The following ADTRP variants were observed in gnomAD, a reference collection of about 807,000 sequenced individuals.
The protein encoded by ADTRP is androgen-dependent TFPI-regulating protein.
ADTRP carries 20 observed loss-of-function variants against 27.0 expected under a neutral mutation model. That is an observed-to-expected ratio of 0.74 (90% confidence interval 0.52 to 1.08). ADTRP has a LOEUF of 1.08. ADTRP is among the 50% of genes least tolerant of loss of function. The probability of loss-of-function intolerance (pLI) is 0.00; values close to 1 mark genes in which losing one functional copy is unlikely to be tolerated. For missense variants in ADTRP, 251 were observed against 275.0 expected, an observed-to-expected ratio of 0.91 and a Z score of 0.62; for synonymous variants, 101 against 105.2, an observed-to-expected ratio of 0.96 and a Z score of 0.25.
chr6:11,778,302 A>C (rs1352483105), intron 1 of ADTRP, among the ~76,000 whole-genome samples: 1 of 152,180 alleles, frequency 6.6e-6, no homozygotes, highest in Non-Finnish European at 1.5e-5. Context: ...AGTTAATCCC[A>C]TGGTGAAACC....
intron 4 of ADTRP, among the ~76,000 whole-genome samples, chr6:11,724,239 T>A (rs909753955): frequency 2.6e-5 from 4 of 152,084 alleles, no homozygotes; most frequent in Non-Finnish European, 5.9e-5. Context: ...GGGTTTGCTT[T>A]TTTGGATCTA....
chr6:11,744,737 C>T lies in ADTRP; in HGVS notation c.391-9054G>A, dbSNP rs190790476. Among the ~76,000 whole-genome samples, 226 of 152,290 alleles carry T rather than the reference C, an allele frequency of 1.5e-3. 1 individual carries two copies. Among genetic ancestry groups the T allele is most frequent in the Middle Eastern group, 0.01 (3 of 294 alleles). On this transcript the variant is annotated intron_variant, in intron 3 of 5. Transcript: ENST00000414691. ...TGTTTTAAAGACAGAAACAGATGGG[C>T]AGCTCTCTGGAAAGCTGCTCCAAGT...
At chr6:11,729,121 A>C (rs749448666) in intron 4 of ADTRP, among the ~76,000 whole-genome samples, 3 of 152,206 alleles carry the variant, frequency 2.0e-5, no homozygotes. Context: ...GTAGAGAAAT[A>C]CCGACGTCTG....
chr6:11,744,605 C>T (rs572951173), intron 3 of ADTRP, among the ~76,000 whole-genome samples: 34 of 152,212 alleles, frequency 2.2e-4, no homozygotes, highest in Middle Eastern at 3.4e-3. Context: ...GTGGAAGGGC[C>T]CCCAGGTTTT....
chr6:11,734,706 ACTCT>A (rs200988424), intron 4 of ADTRP, among the ~76,000 whole-genome samples: 2 of 149,842 alleles, frequency 1.3e-5, no homozygotes, highest in African/African-American at 4.9e-5. Flanking sequence ...TTTGGAATGC[ACTCT>A]CTCTCTCTCT....
At chr6:11,724,178 T>A (rs982093991) in intron 4 of ADTRP, among the ~76,000 whole-genome samples, 1 of 152,136 alleles carries the variant, frequency 6.6e-6, no homozygotes, top group East Asian at 1.9e-4. Context: ...TGCTGAGACA[T>A]TGAACCTGCT....
intron 4 of ADTRP, among the ~76,000 whole-genome samples, chr6:11,725,840 C>T (rs1358229965): frequency 7.5e-6 from 1 of 132,748 alleles, no homozygotes; most frequent in Admixed American, 9.5e-5. Context: ...GCAGAGCTTG[C>T]AGTGATTGGA....
Position 11,724,473 on chromosome 6 carries a change from C to T in ADTRP, c.507-973G>A, listed in dbSNP as rs138310086. Among the ~76,000 whole-genome samples, 275 of 152,072 alleles carry T rather than the reference C, an allele frequency of 1.8e-3. 1 individual carries two copies. The highest frequency in any genetic ancestry group is 3.1e-3 in the Non-Finnish European group (211 of 67,992). ...TAGGCTGTAAGTCATTTCTGGAAGC[C>T]GAGAGAAGGAAAAGAAATGCTAGGA... On this transcript the variant is annotated intron_variant, in intron 4 of 5. Transcript: ENST00000414691.
At chr6:11,719,444 C>T (rs572983119) in intron 5 of ADTRP, among the ~76,000 whole-genome samples, 23 of 152,300 alleles carry the variant, frequency 1.5e-4, no homozygotes, top group African/African-American at 4.6e-4. Flanking sequence ...ATACCCATGT[C>T]GAGTCACCAT....
At chr6:11,748,650 C>A (rs962889700) in intron 3 of ADTRP, among the ~76,000 whole-genome samples, 1 of 152,184 alleles carries the variant, frequency 6.6e-6, no homozygotes, top group South Asian at 2.1e-4. Context: ...AGTGGAGGCA[C>A]GTACTTCATG....
intron 1 of ADTRP, among the ~76,000 whole-genome samples, chr6:11,769,083 T>C (rs1241570749): frequency 1.3e-5 from 2 of 152,138 alleles, no homozygotes; most frequent in Non-Finnish European, 2.9e-5. Context: ...AGGGTATTTT[T>C]CAAGAAAGTA....
intron 5 of ADTRP, among the ~76,000 whole-genome samples, chr6:11,715,648 C>CATT (rs1209016026): frequency 8.3e-6 from 1 of 121,142 alleles, no homozygotes; most frequent in African/African-American, 3.5e-5. Context: ...CTGTTTTTCC[C>CATT]TTTTTTTTTT....
intron 5 of ADTRP, 61 bp downstream of exon 5, chr6:11,723,288 G>A (rs1762076847): frequency 1.3e-6 from 2 of 1,578,704 alleles, no homozygotes; most frequent in South Asian, 2.3e-5. Flanking sequence ...CTGTTTCCAG[G>A]TGAAGGGGAG....
chr6:11,768,251 T>C lies in ADTRP; in HGVS notation c.286A>G (p.Thr96Ala), dbSNP rs1260559041. ...LFTTLAFPVS[T>A]FVFLAFWILF... Reference sequence around the variant, plus strand: ...ATGTACACATCTTTGAAACTTACCGTGGATACAGGAAAAGCCAGAGTGGTG... The same window carrying C: ...ATGTACACATCTTTGAAACTTACCGCGGATACAGGAAAAGCCAGAGTGGTG... The change falls in exon 2 of 6, where the codon ACG becomes GCG. Residue 96 changes from threonine to alanine, a missense_variant and splice_region_variant. Physicochemically the swap from Thr to Ala is moderately conservative, Grantham distance 58. Coordinates refer to ENST00000414691, the MANE Select transcript of ADTRP (RefSeq NM_032744.4). 1.2e-6 allele frequency: 2 copies of C among 1,614,010 alleles called. No individual in the cohort carries two copies. Among genetic ancestry groups the C allele is most frequent in the African/African-American group, 2.7e-5 (2 of 74,916 alleles).
At chr6:11,717,309 C>T (rs1241693727) in intron 5 of ADTRP, 1 of 1,303,884 alleles carries the variant, frequency 7.7e-7, no homozygotes, top group African/African-American at 1.5e-5. Context: ...GATATTTCAC[C>T]TGATATTCTT....
chr6:11,750,261 G>T (rs1763001355), intron 3 of ADTRP, among the ~76,000 whole-genome samples: 1 of 152,210 alleles, frequency 6.6e-6, no homozygotes, highest in African/African-American at 2.4e-5. Context: ...TGAGAGTTTG[G>T]TTTCTGGTTA....
chr6:11,723,635 A>T lies in ADTRP; in HGVS notation c.507-135T>A. 2 of 982,442 alleles carry T rather than the reference A, an allele frequency of 2.0e-6. 1 individual carries two copies. The highest frequency in any genetic ancestry group is 3.3e-5 in the South Asian group (2 of 61,232). 60.9% of individuals were successfully genotyped at this position (982,442 alleles called of 1,614,324 possible). A position where few individuals can be genotyped will look rare whatever the true frequency, so the allele number is the denominator to read the frequency against. On this transcript the variant is annotated intron_variant, in intron 4 of 5. Transcript: ENST00000414691. ...AGGGACGTTTGTCAACAGCTGTAGT[A>T]TTCCCACAAACCTAAAGAAGTGAGG...
At chr6:11,728,077 G>C (rs551997215) in intron 4 of ADTRP, among the ~76,000 whole-genome samples, 1 of 152,122 alleles carries the variant, frequency 6.6e-6, no homozygotes, top group Non-Finnish European at 1.5e-5. Context: ...CCCCAAGTTT[G>C]ATCCCATGAA....
chr6:11,721,589 A>G (rs1762026852), intron 5 of ADTRP, among the ~76,000 whole-genome samples: 1 of 152,244 alleles, frequency 6.6e-6, no homozygotes, highest in Admixed American at 6.5e-5. Flanking sequence ...TTCTGATGTT[A>G]AATAGGACCT....
Sources: allele counts gnomAD v4.1 joint callset (sites outside exome capture counted in the v4.1 genomes callset), GRCh38; gene constraint gnomAD v4.1.1; transcripts MANE v1.5; gene names NCBI Gene and HGNC (gene_info 2026-07-23, HGNC 2026-07-21).